ATRNL1: variants seen among roughly 807,000 people sequenced by gnomAD.
ATRNL1 encodes attractin like 1.
A neutral mutation model predicts 182.7 loss-of-function variants in ATRNL1; 95 were observed. That is an observed-to-expected ratio of 0.52 (90% CI 0.44 to 0.62). The LOEUF (loss-of-function observed/expected upper bound fraction) is 0.62. ATRNL1 is among the 20% of genes least tolerant of loss of function. ATRNL1 has a pLI of 0.00. For missense variants in ATRNL1, 1,471 were observed against 1,679.5 expected, an observed-to-expected ratio of 0.88 and a Z score of 2.17; for synonymous variants, 576 against 568.3, an observed-to-expected ratio of 1.01 and a Z score of -0.19.
intron 27 of ATRNL1, among the ~76,000 whole-genome samples, chr10:115,764,692 A>G (rs1948814255): frequency 6.6e-6 from 1 of 151,932 alleles, no homozygotes; most frequent in South Asian, 2.1e-4. Flanking sequence ...GTTGTTGTTG[A>G]GATGGAGTCT....
intron 8 of ATRNL1, among the ~76,000 whole-genome samples, chr10:115,173,903 G>GTT (rs58406261): frequency 9.2e-5 from 13 of 140,572 alleles, no homozygotes; most frequent in African/African-American, 3.4e-4. Flanking sequence ...TGTGATTCCT[G>GTT]TTTTTTTTTT....
intron 5 of ATRNL1, among the ~76,000 whole-genome samples, chr10:115,150,597 C>A (rs2143898466): frequency 6.6e-6 from 1 of 152,074 alleles, no homozygotes; most frequent in South Asian, 2.1e-4. Flanking sequence ...ATCCTTTGAT[C>A]ATTTAGGAAC....
intron 22 of ATRNL1, among the ~76,000 whole-genome samples, chr10:115,462,842 A>G (rs7901808): frequency 1.3e-5 from 2 of 152,060 alleles, no homozygotes; most frequent in East Asian, 1.9e-4. Flanking sequence ...TTTAATTTCA[A>G]TCCATCAATT....
chr10:115,590,488 A>C (rs1167573999), intron 26 of ATRNL1, among the ~76,000 whole-genome samples: 2 of 152,174 alleles, frequency 1.3e-5, no homozygotes, highest in Non-Finnish European at 2.9e-5. Flanking sequence ...AAGTAAATAC[A>C]TGAAGAAAAT....
chr10:115,093,657 C>G lies in ATRNL1; in HGVS notation c.-94C>G. On this transcript the variant is annotated 5_prime_UTR_variant, in exon 1 of 29. Coordinates refer to ENST00000355044, the MANE Select transcript of ATRNL1 (RefSeq NM_207303.4). The surrounding 1 kb of genome is among the most constrained non-coding windows in gnomAD (Gnocchi z 6.1). ...CGCCGGTGAGGAGGAGGAGAAGCGG[C>G]GGCGGAGAGGTTTTCTGCGGCCGGA... 9 of 1,332,978 alleles carry G rather than the reference C, an allele frequency of 6.8e-6. No individual in the cohort carries two copies. The highest frequency in any genetic ancestry group is 9.2e-6 in the Non-Finnish European group (9 of 978,084). 82.6% of individuals were successfully genotyped at this position (1,332,978 alleles called of 1,614,324 possible).
chr10:115,155,477 G>A (rs953264844), intron 5 of ATRNL1, among the ~76,000 whole-genome samples: 2 of 151,772 alleles, frequency 1.3e-5, no homozygotes, highest in African/African-American at 4.8e-5. Flanking sequence ...TTATATTCTA[G>A]GTGGAAGCTC....
At chr10:115,900,396 A>G (rs1390007931) in intron 28 of ATRNL1, among the ~76,000 whole-genome samples, 2 of 152,236 alleles carry the variant, frequency 1.3e-5, no homozygotes, top group Non-Finnish European at 2.9e-5. Context: ...TAATTCAGCT[A>G]CATTGAAGTT....
chr10:115,422,828 G>T (rs951042166), intron 20 of ATRNL1, among the ~76,000 whole-genome samples: 2 of 152,084 alleles, frequency 1.3e-5, no homozygotes, highest in Non-Finnish European at 1.5e-5. Flanking sequence ...TTGTACATAC[G>T]AACATAAAGA....
At chr10:115,199,541 C>T (rs1554891824) in intron 8 of ATRNL1, among the ~76,000 whole-genome samples, 3 of 151,372 alleles carry the variant, frequency 2.0e-5, no homozygotes, top group African/African-American at 4.9e-5. Context: ...TTCAGCCTGG[C>T]GACAGAGCAA....
At chr10:115,835,054 A>C (rs573051662) in intron 27 of ATRNL1, among the ~76,000 whole-genome samples, 1 of 152,272 alleles carries the variant, frequency 6.6e-6, no homozygotes, top group African/African-American at 2.4e-5. Flanking sequence ...CTCAATTAAT[A>C]ATAGTTGACA....
At chr10:115,821,516 C>A (rs1950297310) in intron 27 of ATRNL1, among the ~76,000 whole-genome samples, 1 of 152,092 alleles carries the variant, frequency 6.6e-6, no homozygotes, top group African/African-American at 2.4e-5. Flanking sequence ...AGTCAAGACC[C>A]ATTGGTATGC....
chr10:115,217,343 C>G (rs1849274582), intron 9 of ATRNL1, among the ~76,000 whole-genome samples: 1 of 152,148 alleles, frequency 6.6e-6, no homozygotes, highest in Non-Finnish European at 1.5e-5. Flanking sequence ...CCACCTTGAC[C>G]TCCCAAAGTG....
chr10:115,326,152 T>C (rs1854866378), intron 18 of ATRNL1, among the ~76,000 whole-genome samples: 1 of 152,190 alleles, frequency 6.6e-6, no homozygotes, highest in Admixed American at 6.5e-5. Flanking sequence ...TTGTCCCTGT[T>C]TGCAGATGAC....
At chr10:115,783,546 GTA>G (rs1248131558) in intron 27 of ATRNL1, among the ~76,000 whole-genome samples, 1 of 152,028 alleles carries the variant, frequency 6.6e-6, no homozygotes, top group African/African-American at 2.4e-5. Context: ...GTTAAAATAC[GTA>G]TAAATTGCAA....
intron 18 of ATRNL1, among the ~76,000 whole-genome samples, chr10:115,323,775 A>G (rs1854717882): frequency 1.4e-5 from 2 of 144,954 alleles, no homozygotes; most frequent in South Asian, 2.2e-4. Context: ...TTATTTTTGA[A>G]TATTTTTGTC....
At chr10:115,801,460 T>C (rs1460697578) in intron 27 of ATRNL1, among the ~76,000 whole-genome samples, 1 of 152,224 alleles carries the variant, frequency 6.6e-6, no homozygotes, top group Admixed American at 6.5e-5. Context: ...TGCTTCCAAC[T>C]GTACTTAACC....
At chr10:115,331,669 A>AT (rs1222057423) in intron 18 of ATRNL1, among the ~76,000 whole-genome samples, 3 of 149,478 alleles carry the variant, frequency 2.0e-5, no homozygotes, top group Non-Finnish European at 3.0e-5. Context: ...CAAATTAGGT[A>AT]TTTTTTTCCA....
chr10:115,380,658 C>A (rs1463043010), intron 19 of ATRNL1, among the ~76,000 whole-genome samples: 1 of 152,082 alleles, frequency 6.6e-6, no homozygotes, highest in African/African-American at 2.4e-5. Context: ...TGACTTTTTT[C>A]ATGTAGTGTA....
At chr10:115,302,236 T>G (rs982108904) in intron 17 of ATRNL1, among the ~76,000 whole-genome samples, 193 bp downstream of exon 17, 9 of 152,210 alleles carry the variant, frequency 5.9e-5, no homozygotes, top group Non-Finnish European at 1.3e-4. Flanking sequence ...CCACTAAGTA[T>G]CTTACCCTAA....
Sources: gnomAD v4.1 joint callset for allele counts (sites outside exome capture counted in the v4.1 genomes callset) on GRCh38, gnomAD v4.1.1 for gene constraint, Gnocchi (gnomAD v3.1) non-coding constraint, MANE v1.5 for transcripts, NCBI Gene and HGNC (gene_info 2026-07-23, HGNC 2026-07-21) for gene names.